CUX2: variants seen among roughly 807,000 people sequenced by gnomAD.
CUX2 encodes the protein homeobox protein cut-like 2.
CUX2 carries 40 observed loss-of-function variants against 144.8 expected under a neutral mutation model. The ratio of observed to expected loss-of-function variants is 0.28; its 90% confidence interval spans 0.21 to 0.36. The LOEUF (loss-of-function observed/expected upper bound fraction) is 0.36. CUX2 is among the 10% of genes least tolerant of loss of function. The pLI is 1.00. For missense variants in CUX2, 1,615 were observed against 1,994.0 expected (o/e 0.81, Z 3.62); for synonymous variants, 827 against 875.6 (o/e 0.94, Z 0.98).
intron 1 of CUX2, among the ~76,000 whole-genome samples, chr12:111,115,532 AC>A (rs1199039274): frequency 6.6e-6 from 1 of 151,838 alleles, no homozygotes; most frequent in Non-Finnish European, 1.5e-5. Flanking sequence ...TCATCTGCCC[AC>A]CTTGGCCTTC....
At chr12:111,229,977 G>A (rs1882378973) in intron 3 of CUX2, among the ~76,000 whole-genome samples, 1 of 148,366 alleles carries the variant, frequency 6.7e-6, no homozygotes, top group Admixed American at 6.8e-5. Flanking sequence ...TCGTGCCACT[G>A]CACTCCAGCC....
chr12:111,211,044 G>A (rs572026640), intron 1 of CUX2, among the ~76,000 whole-genome samples: 1 of 152,300 alleles, frequency 6.6e-6, no homozygotes, highest in African/African-American at 2.4e-5. Flanking sequence ...ACACATTAAT[G>A]TGTTTGTTCC....
chr12:111,188,641 G>T (rs933973301), intron 1 of CUX2, among the ~76,000 whole-genome samples: 11 of 152,104 alleles, frequency 7.2e-5, no homozygotes, highest in African/African-American at 1.7e-4. Context: ...CCAGAGAGCG[G>T]GGGGGAAAGG....
intron 1 of CUX2, among the ~76,000 whole-genome samples, chr12:111,199,684 T>C (rs1880453560): frequency 6.6e-6 from 1 of 152,122 alleles, no homozygotes; most frequent in South Asian, 2.1e-4. Flanking sequence ...CTGAGACGTC[T>C]GGGTGCATCT....
At chr12:111,238,566 G>C (rs1349585748) in intron 3 of CUX2, among the ~76,000 whole-genome samples, 2 of 152,354 alleles carry the variant, frequency 1.3e-5, no homozygotes, top group East Asian at 3.9e-4. Flanking sequence ...GCATGTGGCA[G>C]AGACAAGATT....
At chr12:111,090,065 G>A (rs1264236694) in intron 1 of CUX2, among the ~76,000 whole-genome samples, 3 of 152,190 alleles carry the variant, frequency 2.0e-5, no homozygotes, top group Non-Finnish European at 2.9e-5. Flanking sequence ...AGGGAGGCCA[G>A]GGAGGAGGCA....
chr12:111,078,972 C>A (rs906367084), intron 1 of CUX2, among the ~76,000 whole-genome samples: 2 of 152,206 alleles, frequency 1.3e-5, no homozygotes, highest in Middle Eastern at 3.2e-3. Context: ...CCTATAGCCC[C>A]AAGCCTATCC....
At chr12:111,275,565 C>T (rs981821172) in intron 4 of CUX2, among the ~76,000 whole-genome samples, 2 of 152,304 alleles carry the variant, frequency 1.3e-5, no homozygotes, top group Middle Eastern at 3.4e-3. Flanking sequence ...AGGAGCTGCA[C>T]GGATGCCCTG....
intron 4 of CUX2, among the ~76,000 whole-genome samples, chr12:111,264,477 G>A (rs981146000): frequency 2.0e-5 from 3 of 152,204 alleles, no homozygotes; most frequent in Non-Finnish European, 4.4e-5. Context: ...GATCACGCCT[G>A]TAATCTCAGC....
chr12:111,082,629 A>G (rs1871963981), intron 1 of CUX2, among the ~76,000 whole-genome samples: 2 of 152,156 alleles, frequency 1.3e-5, no homozygotes, highest in African/African-American at 2.4e-5. Flanking sequence ...GGGAGAGAGG[A>G]CACAGCTTTG....
chr12:111,215,560 G>T (rs1881485780), intron 2 of CUX2, among the ~76,000 whole-genome samples: 1 of 152,194 alleles, frequency 6.6e-6, no homozygotes, highest in Non-Finnish European at 1.5e-5. Flanking sequence ...CCATGTTGTG[G>T]CTTCAGAAAA....
At chr12:111,224,355 G>C (rs2136236154) in intron 3 of CUX2, among the ~76,000 whole-genome samples, 1 of 152,054 alleles carries the variant, frequency 6.6e-6, no homozygotes, top group African/African-American at 2.4e-5. Flanking sequence ...TTTCCTCACA[G>C]TTGAGATCAC....
chr12:111,242,292 G>A (rs1883058706), intron 3 of CUX2, among the ~76,000 whole-genome samples: 1 of 152,214 alleles, frequency 6.6e-6, no homozygotes, highest in Non-Finnish European at 1.5e-5. Flanking sequence ...GCAAATAAGT[G>A]ATGAAACTGA....
intron 18 of CUX2, among the ~76,000 whole-genome samples, chr12:111,330,714 T>TATATATATATAC (rs1888065792): frequency 2.7e-5 from 1 of 36,482 alleles, no homozygotes; most frequent in African/African-American, 1.6e-4. Flanking sequence ...TATATATATA[T>TATATATATATAC]ATATATATAT....
At chr12:111,062,110 G>A (rs1223817983) in intron 1 of CUX2, among the ~76,000 whole-genome samples, 2 of 152,216 alleles carry the variant, frequency 1.3e-5, no homozygotes, top group Non-Finnish European at 2.9e-5. Flanking sequence ...GCCGCCGGCG[G>A]GTCTGCCATG....
chr12:111,068,768 C>T lies in CUX2; in HGVS notation c.63+34528C>T, dbSNP rs962839615. The stretch of plus-strand genomic sequence containing the variant: ...GGAGACGGGGTGCCGGTAATGCCCC[C>T]ATGGCCCTCCTGTTGGACAGGAGGG... On this transcript the variant is annotated intron_variant, in intron 1 of 21. Transcript: ENST00000261726. This position sits in a 1 kb window ranked among gnomAD's most constrained non-coding sequence, Gnocchi z 4.9. Among the ~76,000 whole-genome samples, 1 of 152,208 alleles carries T rather than the reference C, an allele frequency of 6.6e-6. No individual in the cohort carries two copies. The highest frequency in any genetic ancestry group is 6.5e-5 in the Admixed American group (1 of 15,286).
chr12:111,086,799 G>T (rs1275740447), intron 1 of CUX2, among the ~76,000 whole-genome samples: 1 of 152,160 alleles, frequency 6.6e-6, no homozygotes, highest in Non-Finnish European at 1.5e-5. Flanking sequence ...GGGTGCAGTG[G>T]TGCATTCCTG....
intron 16 of CUX2, among the ~76,000 whole-genome samples, chr12:111,315,281 A>C (rs1010960983): frequency 2.6e-5 from 4 of 152,222 alleles, no homozygotes; most frequent in Admixed American, 2.6e-4. Context: ...GTTTATATAT[A>C]AGCTGTTCCA....
At chr12:111,273,487 A>C (rs1884722766) in intron 4 of CUX2, among the ~76,000 whole-genome samples, 1 of 152,226 alleles carries the variant, frequency 6.6e-6, no homozygotes, top group South Asian at 2.1e-4. Flanking sequence ...AGAGGAATTT[A>C]AAAATCCAAG....
Sources: allele counts gnomAD v4.1 joint callset (sites outside exome capture counted in the v4.1 genomes callset), GRCh38; gene constraint gnomAD v4.1.1; non-coding constraint Gnocchi (gnomAD v3.1); transcripts MANE v1.5; gene names NCBI Gene and HGNC (gene_info 2026-07-23, HGNC 2026-07-21).